ARHGAP25: variants seen among roughly 807,000 people sequenced by gnomAD.
ARHGAP25 encodes the protein Rho GTPase activating protein 25.
In ARHGAP25, 34 loss-of-function variants were observed where a neutral mutation model predicts 71.0. That is an observed-to-expected ratio of 0.48 (90% CI 0.36 to 0.64). The LOEUF is 0.64. Among genes scored for constraint, ARHGAP25 ranks in the 30% least tolerant of loss-of-function variants. The pLI, the probability that ARHGAP25 is intolerant of heterozygous loss-of-function variation, is 0.00. For synonymous variants in ARHGAP25, 282 were observed against 296.5 expected, an observed-to-expected ratio of 0.95 and a Z score of 0.50; for missense variants, 706 against 805.1, an observed-to-expected ratio of 0.88 and a Z score of 1.49.
At chr2:68,769,656 A>T (rs1385198093) in intron 1 of ARHGAP25, among the ~76,000 whole-genome samples, 1 of 152,170 alleles carries the variant, frequency 6.6e-6, no homozygotes, top group Non-Finnish European at 1.5e-5. Context: ...TACGATACAC[A>T]GGTGTCTCCA....
At chr2:68,792,023 CA>C (rs1246438406) in intron 4 of ARHGAP25, among the ~76,000 whole-genome samples, 5 of 152,196 alleles carry the variant, frequency 3.3e-5, no homozygotes, top group African/African-American at 1.2e-4. Context: ...GTAAGGCAGG[CA>C]TGCCTTCTCT....
intron 1 of ARHGAP25, among the ~76,000 whole-genome samples, chr2:68,769,860 G>T (rs1677370565): frequency 6.6e-6 from 1 of 152,202 alleles, no homozygotes; most frequent in Admixed American, 6.5e-5. Flanking sequence ...TAAAGAGCAG[G>T]ATGGGCATGG....
intron 5 of ARHGAP25, among the ~76,000 whole-genome samples, chr2:68,812,985 G>A (rs548213609): frequency 6.6e-6 from 1 of 152,294 alleles, no homozygotes; most frequent in African/African-American, 2.4e-5. Context: ...ATGACTTGAA[G>A]AAAGAAGAAA....
At chr2:68,744,225 G>A (rs182226511) in intron 1 of ARHGAP25, among the ~76,000 whole-genome samples, 341 of 151,958 alleles carry the variant, frequency 2.2e-3, no homozygotes, top group Admixed American at 3.6e-3. Context: ...TATCTGGCCC[G>A]TAAGTTTGCT....
intron 1 of ARHGAP25, among the ~76,000 whole-genome samples, chr2:68,769,981 C>T (rs1276780955): frequency 6.6e-6 from 1 of 152,110 alleles, no homozygotes; most frequent in African/African-American, 2.4e-5. Context: ...GGCTTTTAGG[C>T]AGGAAGGTAA....
chr2:68,816,613 G>T, intron 7 of ARHGAP25: 1 of 448,610 alleles, frequency 2.2e-6, no homozygotes, highest in Non-Finnish European at 4.0e-6. Flanking sequence ...CCTGGTACAT[G>T]CAAGAGAACC....
At chr2:68,761,962 C>G (rs1252254522) in intron 1 of ARHGAP25, among the ~76,000 whole-genome samples, 3 of 152,108 alleles carry the variant, frequency 2.0e-5, no homozygotes, top group African/African-American at 7.2e-5. Context: ...TTTGTAATAA[C>G]TAAAACATGG....
intron 4 of ARHGAP25, among the ~76,000 whole-genome samples, chr2:68,802,132 G>T (rs532924236): frequency 6.6e-6 from 1 of 152,130 alleles, no homozygotes; most frequent in African/African-American, 2.4e-5. Context: ...AACCTAGGCC[G>T]GGCGCGGTGG....
intron 5 of ARHGAP25, among the ~76,000 whole-genome samples, chr2:68,808,713 T>G (rs1263286460): frequency 6.6e-6 from 1 of 152,188 alleles, no homozygotes; most frequent in Non-Finnish European, 1.5e-5. Flanking sequence ...TATATTCAGT[T>G]TCTTTTTATG....
chr2:68,787,808 A>G (rs767004357), intron 3 of ARHGAP25, 32 bp from the exon 4 acceptor site: 2 of 1,568,680 alleles, frequency 1.3e-6, no homozygotes, highest in South Asian at 1.1e-5. Context: ...TTATCACTCT[A>G]AGACCTTCAC....
chr2:68,746,404 C>T (rs1675814856), intron 1 of ARHGAP25, among the ~76,000 whole-genome samples: 1 of 152,156 alleles, frequency 6.6e-6, no homozygotes, highest in Non-Finnish European at 1.5e-5. Context: ...CTCCTTCCTC[C>T]TCACAGGGCA....
In ARHGAP25 at chr2:68,775,409, A is replaced by G. The variant is rs1480758939; in HGVS notation, c.250A>G (p.Thr84Ala). ...QLYYYKDEED[T>A]KPQGCMYLPG... ...CTACTACTACAAGGATGAAGAGGAC[A>G]CGAAGCCCCAGGTACCAGCCAGGCT... The change falls in exon 2 of 11, where the codon ACG (threonine) becomes GCG (alanine). Residue 84 changes from threonine to alanine, a missense_variant. Coordinates refer to ENST00000409202, the MANE Select transcript of ARHGAP25 (RefSeq NM_001007231.3). 6.2e-7 allele frequency: 1 copy of G among 1,614,270 alleles called. No homozygotes were observed. Among genetic ancestry groups the G allele is most frequent in the Non-Finnish European group, 8.5e-7 (1 of 1,180,052 alleles).
intron 5 of ARHGAP25, among the ~76,000 whole-genome samples, chr2:68,809,883 A>G (rs1434803145): frequency 6.6e-6 from 1 of 152,176 alleles, no homozygotes; most frequent in Non-Finnish European, 1.5e-5. Context: ...CCTTAGACAC[A>G]AAAATGTGAA....
At chr2:68,798,284 T>A (rs1473499960) in intron 4 of ARHGAP25, among the ~76,000 whole-genome samples, 2 of 152,224 alleles carry the variant, frequency 1.3e-5, no homozygotes, top group Non-Finnish European at 2.9e-5. Flanking sequence ...GGGTGTGCAA[T>A]CATTGTTATT....
At chr2:68,778,232 A>C (rs569333898) in intron 2 of ARHGAP25, among the ~76,000 whole-genome samples, 2 of 152,324 alleles carry the variant, frequency 1.3e-5, no homozygotes, top group East Asian at 3.8e-4. Context: ...ATATCTATAC[A>C]ATAAAATACA....
chr2:68,744,307 C>T (rs965656670), intron 1 of ARHGAP25, among the ~76,000 whole-genome samples: 1 of 152,172 alleles, frequency 6.6e-6, no homozygotes, highest in African/African-American at 2.4e-5. Context: ...GGCCACCACC[C>T]AGCTTGTCCT....
chr2:68,811,665 G>C (rs941011418), intron 5 of ARHGAP25, among the ~76,000 whole-genome samples: 23 of 151,850 alleles, frequency 1.5e-4, no homozygotes, highest in African/African-American at 4.4e-4. Flanking sequence ...TTCAGAGACA[G>C]CTACAACAAC....
chr2:68,812,945 A>G (rs1680936832), intron 5 of ARHGAP25, among the ~76,000 whole-genome samples: 1 of 152,242 alleles, frequency 6.6e-6, no homozygotes, highest in South Asian at 2.1e-4. Flanking sequence ...ATTAGAGACT[A>G]ATTAGACAAT....
At chr2:68,725,292 G>A (rs1176605581) in intron 2 of ARHGAP25, among the ~76,000 whole-genome samples, 3 of 152,128 alleles carry the variant, frequency 2.0e-5, no homozygotes, top group South Asian at 2.1e-4. Context: ...TTCTCAATGC[G>A]AGGCCACAGC....
Sources: gnomAD v4.1 joint callset for allele counts (sites outside exome capture counted in the v4.1 genomes callset) on GRCh38, gnomAD v4.1.1 for gene constraint, MANE v1.5 for transcripts, NCBI Gene and HGNC (gene_info 2026-07-23, HGNC 2026-07-21) for gene names.